ZXDC: variants seen among roughly 807,000 people sequenced by gnomAD.
ZXDC encodes the protein zinc finger protein ZXDC.
ZXDC carries 58 observed loss-of-function variants against 63.6 expected under a neutral mutation model. The observed-to-expected ratio is 0.91, with a 90% CI of 0.74 to 1.13. The LOEUF (loss-of-function observed/expected upper bound fraction) is 1.13, where lower values mean the gene tolerates loss of function less well. ZXDC is among the 50% of genes most tolerant of loss of function. ZXDC has a pLI of 0.00. For missense variants in ZXDC, 1,133 were observed against 1,148.9 expected (o/e 0.99, Z 0.20); for synonymous variants, 561 against 496.1 (o/e 1.13, Z -1.74).
chr3:126,471,491 C>T (rs1255741648), intron 3 of ZXDC, among the ~76,000 whole-genome samples: 5 of 152,074 alleles, frequency 3.3e-5, no homozygotes, highest in Non-Finnish European at 7.3e-5. Flanking sequence ...TCCTCAGAGC[C>T]CAGCTGTGCA....
rs948504697 is a variant in ZXDC, at chr3:126,452,271, A to G, written c.2212+7382T>C. The G allele has an allele frequency of 6.1e-6, 6 of 985,340 alleles. No homozygotes were observed. In the African/African-American group the frequency reaches 7.0e-5, roughly 11 times the overall value. 61.0% of individuals were successfully genotyped at this position (985,340 alleles called of 1,614,324 possible). ...TCCGTTTTCTTAGACGTTCTTGTCC[A>G]TAGCTTCTTACACAATTGTCCTGGA... On this transcript the variant is annotated intron_variant, in intron 7 of 9. Coordinates refer to ENST00000389709, the MANE Select transcript of ZXDC (RefSeq NM_025112.5).
chr3:126,454,121 T>C, intron 7 of ZXDC: 1 of 961,710 alleles, frequency 1.0e-6, no homozygotes, highest in Non-Finnish European at 1.2e-6. Flanking sequence ...ATTTGTTCCA[T>C]TTAATTTCTA....
chr3:126,460,113 C>T, intron 6 of ZXDC: 1 of 985,450 alleles, frequency 1.0e-6, no homozygotes, highest in East Asian at 1.1e-4. Context: ...CACGCTGTTT[C>T]ACACACGTGC....
intron 5 of ZXDC, among the ~76,000 whole-genome samples, chr3:126,465,761 A>G (rs1934731809): frequency 6.6e-6 from 1 of 152,162 alleles, no homozygotes; most frequent in Non-Finnish European, 1.5e-5. Context: ...AACCAGCCTG[A>G]GCAACATAGT....
intron 7 of ZXDC, chr3:126,450,568 GAAT>G (rs1934061522): frequency 2.2e-6 from 1 of 456,410 alleles, no homozygotes; most frequent in Admixed American, 2.3e-5. Context: ...CCAGAACGAG[GAAT>G]AAATGGGGGT....
rs2107640067 is a variant in ZXDC, at chr3:126,454,586, T to C, written c.2212+5067A>G. Reference sequence around the variant, plus strand: ...CAGCGGAGAGTGTGCTTCCCATGTATTCAATCTTCGTCTCTTGAAAGGAGA... The same window carrying C: ...CAGCGGAGAGTGTGCTTCCCATGTACTCAATCTTCGTCTCTTGAAAGGAGA... On this transcript the variant is annotated intron_variant, in intron 7 of 9. Transcript: ENST00000389709. The C allele has an allele frequency of 3.0e-6, 3 of 985,478 alleles. No individual in the cohort carries two copies. The East Asian group carries it at 3.4e-4, about 112-fold the overall frequency. 61.0% of individuals were successfully genotyped at this position (985,478 alleles called of 1,614,324 possible). A position where few individuals can be genotyped will look rare whatever the true frequency, so the allele number is the denominator to read the frequency against.
intron 6 of ZXDC, chr3:126,460,997 G>A (rs1934506825): frequency 1.0e-6 from 1 of 973,642 alleles, no homozygotes; most frequent in South Asian, 4.7e-5. Context: ...ATGTATAATT[G>A]ATATAAAGTA....
Position 126,439,690 on chromosome 3 carries a change from C to G in ZXDC, c.2432G>C (p.Arg811Pro). ...PSGEGVLPSA[R>P]GPATFLPFLT... Reference sequence around the variant, plus strand: ...GAAGGGGAGGAAGGTGGCTGGGCCGCGGGCCGAGGGCAGGACACCTTCGCC... The same window carrying G: ...GAAGGGGAGGAAGGTGGCTGGGCCGGGGGCCGAGGGCAGGACACCTTCGCC... The change falls in exon 9 of 10, where the codon CGC becomes CCC. Residue 811 changes from arginine to proline, a missense_variant. Physicochemically the swap from Arg to Pro is moderately radical, Grantham distance 103. Coordinates refer to ENST00000389709, the MANE Select transcript of ZXDC (RefSeq NM_025112.5). The G allele has an allele frequency of 1.9e-6, 3 of 1,552,764 alleles. No individual in the cohort carries two copies. Among genetic ancestry groups the G allele is most frequent in the Non-Finnish European group, 2.6e-6 (3 of 1,147,478 alleles).
At chr3:126,471,890 C>G (rs758257434) in intron 3 of ZXDC, 83 bp downstream of exon 3, 151 of 1,175,578 alleles carry the variant, frequency 1.3e-4, no homozygotes, top group Middle Eastern at 7.9e-4. Flanking sequence ...AAAATGTCTA[C>G]AGATATTTCA....
At chr3:126,464,799 C>A (rs1197130140) in intron 5 of ZXDC, among the ~76,000 whole-genome samples, 1 of 152,130 alleles carries the variant, frequency 6.6e-6, no homozygotes, top group African/African-American at 2.4e-5. Flanking sequence ...AGGTGACACC[C>A]TCCAACATGA....
intron 7 of ZXDC, chr3:126,451,965 A>G (rs958718127): frequency 1.0e-6 from 1 of 985,440 alleles, no homozygotes; most frequent in Non-Finnish European, 1.2e-6. Flanking sequence ...CTGCCCCCAC[A>G]GCTCTTCATG....
chr3:126,461,442 C>G, intron 6 of ZXDC, 93 bp downstream of exon 6: 1 of 1,471,794 alleles, frequency 6.8e-7, no homozygotes, highest in Non-Finnish European at 9.0e-7. Context: ...AAACCAGAAA[C>G]GTCTGCATAG....
Position 126,440,775 on chromosome 3 carries a change from A to G in ZXDC, c.2394+990T>C, listed in dbSNP as rs539240108. The G allele has an allele frequency of 1.7e-5, 17 of 985,966 alleles. No individual in the cohort carries two copies. The Admixed American group carries it at 3.7e-4, about 21-fold the overall frequency. The allele number at this position is 985,966 out of a possible 1,614,324, so 61.1% of individuals were successfully genotyped here. On this transcript the variant is annotated intron_variant, in intron 8 of 9. Coordinates refer to ENST00000389709, the MANE Select transcript of ZXDC (RefSeq NM_025112.5). ...TTCCAACCAGCACAGGGCCACCCCC[A>G]GCTGCCCGCAGCCTCTTCCCTGCCC... is the stretch of plus-strand genomic sequence containing the variant.
rs764157817 is a variant in ZXDC, at chr3:126,475,670, C to A, written c.196G>T (p.Ala66Ser). ...GEASGPSPPP[A>S]EDDSDGDSFL... ...GAGTCGCCGTCGCTGTCGTCCTCGGCGGGCGGCGGGCTTGGCCCGGAGGCC... is the reference window on the plus strand; with the variant it reads ...GAGTCGCCGTCGCTGTCGTCCTCGGAGGGCGGCGGGCTTGGCCCGGAGGCC... Residue 66 changes from alanine (A) to serine (S), a missense_variant, in exon 1 of 10, where the codon GCC becomes TCC. Physicochemically the swap from Ala to Ser is moderately conservative, Grantham distance 99 (BLOSUM62 1). Transcript: ENST00000389709. 2.8e-6 allele frequency: 4 copies of A among 1,413,338 alleles called. No homozygotes were observed. The highest frequency in any genetic ancestry group is 1.5e-5 in the African/African-American group (1 of 67,140). The allele number at this position is 1,413,338 out of a possible 1,614,324, so 87.5% of individuals were successfully genotyped here. A position where few individuals can be genotyped will look rare whatever the true frequency, so the allele number is the denominator to read the frequency against.
chr3:126,446,192 G>A (rs1473756425), intron 7 of ZXDC, among the ~76,000 whole-genome samples: 2 of 152,192 alleles, frequency 1.3e-5, no homozygotes, highest in African/African-American at 4.8e-5. Flanking sequence ...TGCTTGTGCT[G>A]GAGAATCTGC....
intron 7 of ZXDC, among the ~76,000 whole-genome samples, chr3:126,449,308 G>A (rs1043011156): frequency 5.3e-5 from 8 of 152,100 alleles, no homozygotes; most frequent in East Asian, 1.9e-4. Flanking sequence ...TGATCCTCCC[G>A]CCTCGGCCTC....
intron 7 of ZXDC, chr3:126,451,843 T>G (rs1934114417): frequency 1.0e-6 from 1 of 985,164 alleles, no homozygotes; most frequent in Non-Finnish European, 1.2e-6. Flanking sequence ...GGGGCCTCAG[T>G]GGCACCCGTG....
chr3:126,450,835 G>C (rs182908798), intron 7 of ZXDC, among the ~76,000 whole-genome samples: 9 of 152,346 alleles, frequency 5.9e-5, no homozygotes, highest in Admixed American at 3.3e-4. Context: ...GTGTGTGCCT[G>C]AGCTGCAGTG....
intron 7 of ZXDC, among the ~76,000 whole-genome samples, chr3:126,446,589 G>A (rs1053954345): frequency 2.0e-5 from 3 of 152,094 alleles, no homozygotes; most frequent in Non-Finnish European, 4.4e-5. Flanking sequence ...AACCACAGGG[G>A]GTCATGCGAG....
Sources: gnomAD v4.1 joint callset for allele counts (sites outside exome capture counted in the v4.1 genomes callset) on GRCh38, gnomAD v4.1.1 for gene constraint, MANE v1.5 for transcripts, NCBI Gene and HGNC (gene_info 2026-07-23, HGNC 2026-07-21) for gene names.